SLC38A10: variants seen among roughly 807,000 people sequenced by gnomAD.
SLC38A10 encodes the protein Sodium-coupled neutral amino acid transporter 10.
Under a neutral mutation model 81.0 loss-of-function variants are expected in SLC38A10, and 53 were observed. The observed-to-expected ratio is 0.65, with a 90% CI of 0.53 to 0.82. The LOEUF is 0.82. Among genes scored for constraint, SLC38A10 ranks in the 40% least tolerant of loss-of-function variants. The probability of loss-of-function intolerance (pLI) is 0.00; values close to 1 mark genes in which losing one functional copy is unlikely to be tolerated. For synonymous variants in SLC38A10, 665 were observed against 655.3 expected, an observed-to-expected ratio of 1.01 and a Z score of -0.23; for missense variants, 1,471 against 1,545.0, an observed-to-expected ratio of 0.95 and a Z score of 0.80.
At chr17:81,256,181 G>A (rs568366280) in intron 11 of SLC38A10, among the ~76,000 whole-genome samples, 37 of 152,370 alleles carry the variant, frequency 2.4e-4, no homozygotes, top group African/African-American at 8.2e-4. Flanking sequence ...CGGCGGAGGC[G>A]GATCCCTCAG....
At position 81,278,984 on chromosome 17, in the gene SLC38A10, C is replaced by A. The variant is rs542338134; in HGVS notation, c.626+1625G>T. ...AGGTAGGAGCCACAAAACCTCCTGG[C>A]CACCTGCAAAGGAGCTCCACAGATG... On this transcript the variant is annotated intron_variant, in intron 6 of 15. Coordinates refer to ENST00000374759, the MANE Select transcript of SLC38A10 (RefSeq NM_001037984.3). 3.9e-5 allele frequency among the ~76,000 whole-genome samples: 6 copies of A among 152,348 alleles called. No individual in the cohort carries two copies. The South Asian group carries it at 1.2e-3, about 32-fold the overall frequency.
At position 81,253,314 on chromosome 17, in the gene SLC38A10, T is replaced by C; in HGVS notation, c.1289-74A>G. 2 of 1,527,488 alleles carry C rather than the reference T, an allele frequency of 1.3e-6. No homozygotes were observed. Among genetic ancestry groups the C allele is most frequent in the Non-Finnish European group, 1.8e-6 (2 of 1,131,162 alleles). 94.6% of individuals were successfully genotyped at this position (1,527,488 alleles called of 1,614,324 possible). ...AGCGGGGCAGCTCTCCCTGGACTGT[T>C]ACCATATTTTCCAGCCAAATGGCAG... On this transcript the variant is annotated intron_variant, in intron 11 of 15. Coordinates refer to ENST00000374759, the MANE Select transcript of SLC38A10 (RefSeq NM_001037984.3). The surrounding 1 kb of genome is among the most constrained non-coding windows in gnomAD (Gnocchi z 4.1).
Position 81,295,020 on chromosome 17 carries a change from C to A in SLC38A10, c.-99G>T. On this transcript the variant is annotated 5_prime_UTR_variant, in exon 1 of 16. Transcript: ENST00000374759. ...CCGAGGCCACGGTCACAGGTCCCAACGTCCGGGACGCCGGTGGGGAGGGGA... is the reference window on the plus strand; with the variant it reads ...CCGAGGCCACGGTCACAGGTCCCAAAGTCCGGGACGCCGGTGGGGAGGGGA... 7.2e-7 allele frequency: 1 copy of A among 1,395,912 alleles called. No individual in the cohort carries two copies. Among genetic ancestry groups the A allele is most frequent in the South Asian group, 1.5e-5 (1 of 64,606 alleles). 86.5% of individuals were successfully genotyped at this position (1,395,912 alleles called of 1,614,324 possible). A position where few individuals can be genotyped will look rare whatever the true frequency, so the allele number is the denominator to read the frequency against.
Position 81,277,127 on chromosome 17 carries a change from C to T in SLC38A10, c.633G>A (p.Val211=), listed in dbSNP as rs764145835. 1.5e-5 allele frequency: 24 copies of T among 1,613,828 alleles called. No individual in the cohort carries two copies. The Admixed American group carries it at 3.8e-4, about 26-fold the overall frequency. Residue 211 remains valine (V), a synonymous_variant, in exon 7 of 16, where the codon GTG becomes GTA. Coordinates refer to ENST00000374759, the MANE Select transcript of SLC38A10 (RefSeq NM_001037984.3). The surrounding 1 kb of genome is among the most constrained non-coding windows in gnomAD (Gnocchi z 4.5). Reference sequence around the variant, plus strand: ...CATCCAGGCTGTCGTAGGTGGGCAGCACCTGGCTGTATAGAAACAGGCCAT... The same window carrying T: ...CATCCAGGCTGTCGTAGGTGGGCAGTACCTGGCTGTATAGAAACAGGCCAT... The part of the protein sequence containing the change: ...FGMSFACQSQ[V]LPTYDSLDEP...
chr17:81,250,531 G>A (rs2062900865), intron 14 of SLC38A10, among the ~76,000 whole-genome samples: 1 of 152,196 alleles, frequency 6.6e-6, no homozygotes. Flanking sequence ...TGCTCCCAGG[G>A]GCTTGGCACA....
chr17:81,252,585 C>T lies in SLC38A10; in HGVS notation c.1555G>A (p.Glu519Lys), dbSNP rs1037276884. The stretch of plus-strand genomic sequence containing the variant: ...GCGTGTCTGGATGGAGGTTTGTTCT[C>T]TTCTGGCACCTCTCGGTCTTGGCCT... ...DEGQDREVPE[E>K]NKPPSRHAGG... The change falls in exon 13 of 16, where the codon GAG (glutamate) becomes AAG (lysine). Residue 519 changes from glutamate to lysine, a missense_variant. Coordinates refer to ENST00000374759, the MANE Select transcript of SLC38A10 (RefSeq NM_001037984.3). The T allele has an allele frequency of 5.0e-6, 8 of 1,613,368 alleles. No homozygotes were observed. In the African/African-American group the frequency reaches 6.7e-5, roughly 13 times the overall value.
rs924401723 is a variant in SLC38A10 at position 81,277,771 on chromosome 17, C to G, written c.627-638G>C. Among the ~76,000 whole-genome samples, 1 of 152,234 alleles carries G rather than the reference C, an allele frequency of 6.6e-6. No homozygotes were observed. Among genetic ancestry groups the G allele is most frequent in the African/African-American group, 2.4e-5 (1 of 41,452 alleles). On this transcript the variant is annotated intron_variant, in intron 6 of 15. Coordinates refer to ENST00000374759, the MANE Select transcript of SLC38A10 (RefSeq NM_001037984.3). This position sits in a 1 kb window ranked among gnomAD's most constrained non-coding sequence, Gnocchi z 4.5. The stretch of plus-strand genomic sequence containing the variant: ...CAGGCAGCAGACGCATCCGAGGGAC[C>G]TGCACAGGGACCTGGGCCTCTGGAA...
In SLC38A10 at chr17:81,252,696, G is replaced by A. The variant is rs542454026; in HGVS notation, c.1457-13C>T. On this transcript the variant is annotated splice_polypyrimidine_tract_variant and intron_variant, in intron 12 of 15. Coordinates refer to ENST00000374759, the MANE Select transcript of SLC38A10 (RefSeq NM_001037984.3). ...GGCACAGCAATCCCTGCAAGGGCAC[G>A]GGGGACAGATGGGGTCAGGCTGAGG... 1.7e-4 allele frequency: 272 copies of A among 1,585,884 alleles called. 1 individual carries two copies. Among genetic ancestry groups the A allele is most frequent in the South Asian group, 1.7e-3 (150 of 88,210 alleles).
Position 81,252,221 on chromosome 17 carries a change from C to G in SLC38A10, c.1919G>C (p.Gly640Ala). 5 of 1,531,876 alleles carry G rather than the reference C, an allele frequency of 3.3e-6. No homozygotes were observed. Among genetic ancestry groups the G allele is most frequent in the Non-Finnish European group, 4.4e-6 (5 of 1,143,266 alleles). 94.9% of individuals were successfully genotyped at this position (1,531,876 alleles called of 1,614,324 possible). ...PPPGNAAGDT[G>A]QPAEDSDHGG... ...GTGGTCGCTGTCCTCTGCGGGCTGC[C>G]CTGTGTCCCCGGCGGCGTTGCCTGG... is the stretch of plus-strand genomic sequence containing the variant. Residue 640 changes from glycine (G) to alanine (A), a missense_variant, in exon 13 of 16, where the codon GGG becomes GCG. Around this residue, in one of 2 missense-constraint regions of SLC38A10, gnomAD observed 751 missense variants for 717.4 expected, o/e 1.05. Coordinates refer to ENST00000374759, the MANE Select transcript of SLC38A10 (RefSeq NM_001037984.3).
chr17:81,272,809 G>A (rs192230604), intron 8 of SLC38A10, among the ~76,000 whole-genome samples, 182 bp from the exon 9 acceptor site: 39 of 152,248 alleles, frequency 2.6e-4, no homozygotes, highest in Admixed American at 6.5e-4. Flanking sequence ...CAACTTAAAC[G>A]GGAACCTGCA....
Position 81,260,487 on chromosome 17 carries a change from G to A in SLC38A10, c.1132-93C>T, listed in dbSNP as rs138648598. The A allele has an allele frequency of 8.6e-4, 1,244 of 1,450,024 alleles. 2 individuals are homozygous for A. The highest frequency in any genetic ancestry group is 1.0e-3 in the Non-Finnish European group (1,096 of 1,087,840). The allele number at this position is 1,450,024 out of a possible 1,614,324, so 89.8% of individuals were successfully genotyped here. A position where few individuals can be genotyped will look rare whatever the true frequency, so the allele number is the denominator to read the frequency against. On this transcript the variant is annotated intron_variant, in intron 10 of 15. Transcript: ENST00000374759. ...TGGCCTGGCAGAGAGGCTCAGGGAC[G>A]GGGTGAGGCACGAGGAGAGTGGACA...
At chr17:81,263,733 CGAG>C (rs1026999928) in intron 10 of SLC38A10, 5 of 152,466 alleles carry the variant, frequency 3.3e-5, no homozygotes, top group African/African-American at 1.2e-4. Flanking sequence ...CCCGTGGGAA[CGAG>C]GAGGCCGCAT....
At chr17:81,250,053 C>G (rs2062896033) in intron 14 of SLC38A10, 6 of 1,288,302 alleles carry the variant, frequency 4.7e-6, no homozygotes, top group Non-Finnish European at 6.1e-6. Context: ...CTTCAGCACA[C>G]TCCTTTGGGT....
intron 14 of SLC38A10, among the ~76,000 whole-genome samples, chr17:81,248,711 C>T (rs540052478): frequency 6.6e-6 from 1 of 152,372 alleles, no homozygotes; most frequent in African/African-American, 2.4e-5. Context: ...GCCGGCCCAG[C>T]CTCCCCAGTG....
chr17:81,287,499 G>A (rs2063277401), intron 2 of SLC38A10, among the ~76,000 whole-genome samples: 1 of 152,254 alleles, frequency 6.6e-6, no homozygotes, highest in Non-Finnish European at 1.5e-5. Flanking sequence ...AGGGCACACT[G>A]CAGCTGACGC....
At chr17:81,268,449 AGGCTGGAG>A (rs2063088200) in intron 10 of SLC38A10, among the ~76,000 whole-genome samples, 1 of 150,748 alleles carries the variant, frequency 6.6e-6, no homozygotes, top group Admixed American at 6.6e-5. Context: ...TCTGTTGCCC[AGGCTGGAG>A]TGCAGTGGTG....
intron 11 of SLC38A10, among the ~76,000 whole-genome samples, chr17:81,254,035 CCACCGTCACTGCCAT>C: frequency 6.6e-6 from 1 of 152,272 alleles, no homozygotes; most frequent in East Asian, 1.9e-4. Flanking sequence ...ACCGTCACCT[CCACCGTCACTGCCAT>C]CACCTCCATC....
rs967620488 is a variant in SLC38A10 at position 81,265,865 on chromosome 17, G to A, written c.1131+5053C>T. On this transcript the variant is annotated intron_variant, in intron 10 of 15. Coordinates refer to ENST00000374759, the MANE Select transcript of SLC38A10 (RefSeq NM_001037984.3). This position sits in a 1 kb window ranked among gnomAD's most constrained non-coding sequence, Gnocchi z 4.2. ...CGGAGCCGTAGGAGCGCTGGGGACA[G>A]GACGCACCAGACCCAAGTCAGAGGG... Among the ~76,000 whole-genome samples the A allele has an allele frequency of 6.6e-6, 1 of 152,250 alleles. No individual in the cohort carries two copies. The highest frequency in any genetic ancestry group is 6.5e-5 in the Admixed American group (1 of 15,286).
At position 81,270,417 on chromosome 17, in the gene SLC38A10, G is replaced by A. The variant is rs1229435034; in HGVS notation, c.1131+501C>T. 6.6e-6 allele frequency among the ~76,000 whole-genome samples: 1 copy of A among 152,308 alleles called. No homozygotes were observed. The highest frequency in any genetic ancestry group is 1.9e-4 in the East Asian group (1 of 5,176). ...AACCCATGAAACGGCTAAAAATAGC[G>A]AGGCAGCTCTGTGCCCACGGCTGTG... On this transcript the variant is annotated intron_variant, in intron 10 of 15. Transcript: ENST00000374759. This position sits in a 1 kb window ranked among gnomAD's most constrained non-coding sequence, Gnocchi z 4.0.
Sources: allele counts gnomAD v4.1 joint callset (sites outside exome capture counted in the v4.1 genomes callset), GRCh38; gene constraint gnomAD v4.1.1; regional missense constraint gnomAD v4.1.1; non-coding constraint Gnocchi (gnomAD v3.1); transcripts MANE v1.5; gene names NCBI Gene and HGNC (gene_info 2026-07-23, HGNC 2026-07-21).